Variants in NDC1 observed in about 807,000 individuals in gnomAD.
NDC1 encodes nucleoporin NDC1.
In NDC1, 24 loss-of-function variants were observed where a neutral mutation model predicts 89.8. That is an observed-to-expected ratio of 0.27 (90% CI 0.19 to 0.38). NDC1 has a LOEUF of 0.38. Ranked by LOEUF, NDC1 falls within the 10% of genes least tolerant of loss-of-function variation. The probability of loss-of-function intolerance (pLI) is 1.00; values close to 1 mark genes in which losing one functional copy is unlikely to be tolerated. For missense variants in NDC1, 728 were observed against 797.6 expected (o/e 0.91, Z 1.05); for synonymous variants, 296 against 284.8 (o/e 1.04, Z -0.39).
Position 53,768,551 on chromosome 1 carries a change from T to C in NDC1, c.1962-518A>G, listed in dbSNP as rs549487518. Among the ~76,000 whole-genome samples, 5 of 152,318 alleles carry C rather than the reference T, an allele frequency of 3.3e-5. No individual in the cohort carries two copies. In the South Asian group the frequency reaches 1.0e-3, roughly 32 times the overall value. ...AGTTATGTTTTGGATGTGAACACTG[T>C]GTTCTCTCTCCACCCTCACCATCAC... On this transcript the variant is annotated intron_variant, in intron 17 of 17. Coordinates refer to ENST00000371429, the MANE Select transcript of NDC1 (RefSeq NM_018087.5).
At chr1:53,770,646 C>T (rs1004698749) in intron 17 of NDC1, among the ~76,000 whole-genome samples, 20 of 151,618 alleles carry the variant, frequency 1.3e-4, no homozygotes, top group African/African-American at 4.8e-4. Context: ...AATCAGTCAT[C>T]TATATCTCTT....
chr1:53,770,385 C>T (rs1233663404), intron 17 of NDC1, among the ~76,000 whole-genome samples: 2 of 152,094 alleles, frequency 1.3e-5, no homozygotes, highest in Non-Finnish European at 2.9e-5. Context: ...CGGCTCACTG[C>T]AACCTCCACT....
At chr1:53,831,808 AAAG>A (rs1032660882) in intron 3 of NDC1, among the ~76,000 whole-genome samples, 1 of 152,196 alleles carries the variant, frequency 6.6e-6, no homozygotes, top group African/African-American at 2.4e-5. Context: ...GAAAAGGCAG[AAAG>A]AATATGAAGA....
At chr1:53,802,424 T>C (rs1183880096) in intron 10 of NDC1, among the ~76,000 whole-genome samples, 3 of 152,064 alleles carry the variant, frequency 2.0e-5, no homozygotes, top group African/African-American at 7.2e-5. Context: ...TCTAACACTT[T>C]GGGAGGCCAA....
chr1:53,810,127 C>T (rs1464452010), intron 6 of NDC1, among the ~76,000 whole-genome samples: 2 of 152,174 alleles, frequency 1.3e-5, no homozygotes, highest in Non-Finnish European at 2.9e-5. Flanking sequence ...CCCATCAATT[C>T]TCTCAAAGTC....
At chr1:53,821,859 T>C (rs1280420779) in intron 5 of NDC1, among the ~76,000 whole-genome samples, 4 of 152,250 alleles carry the variant, frequency 2.6e-5, no homozygotes, top group Non-Finnish European at 5.9e-5. Flanking sequence ...TCTATAAATG[T>C]AATACTTTCA....
intron 11 of NDC1, among the ~76,000 whole-genome samples, chr1:53,798,350 A>C (rs185192548): frequency 9.7e-4 from 147 of 150,782 alleles, no homozygotes; most frequent in Non-Finnish European, 1.9e-3. Flanking sequence ...TTGTATTTTT[A>C]GTAGAGACAG....
intron 2 of NDC1, among the ~76,000 whole-genome samples, chr1:53,833,433 G>C (rs537148374): frequency 2.0e-5 from 3 of 152,178 alleles, no homozygotes; most frequent in African/African-American, 7.2e-5. Flanking sequence ...ATCACACCCA[G>C]CCACGCATAT....
chr1:53,803,580 T>G (rs1647994917), intron 10 of NDC1, among the ~76,000 whole-genome samples: 1 of 152,040 alleles, frequency 6.6e-6, no homozygotes, highest in Non-Finnish European at 1.5e-5. Context: ...TTAATTTTTT[T>G]TTTCTTTTTG....
At chr1:53,790,993 A>T (rs187848931) in intron 14 of NDC1, among the ~76,000 whole-genome samples, 186 of 152,078 alleles carry the variant, frequency 1.2e-3, no homozygotes, top group Middle Eastern at 3.4e-3. Context: ...ATTCCTTCTA[A>T]CTGTATATTT....
chr1:53,826,029 T>C, intron 4 of NDC1, 93 bp from the exon 5 acceptor site: 1 of 1,257,684 alleles, frequency 8.0e-7, no homozygotes, highest in Non-Finnish European at 1.1e-6. Context: ...GCTTAATTAC[T>C]TTAATGACTT....
chr1:53,820,701 CTTTTTT>C (rs927514677), intron 5 of NDC1, among the ~76,000 whole-genome samples: 11 of 74,894 alleles, frequency 1.5e-4, no homozygotes, highest in South Asian at 1.3e-3. Flanking sequence ...ACTTCTCTCT[CTTTTTT>C]TTTTTTTTTT....
At chr1:53,829,052 T>C (rs1442462757) in intron 3 of NDC1, among the ~76,000 whole-genome samples, 2 of 152,212 alleles carry the variant, frequency 1.3e-5, no homozygotes, top group African/African-American at 4.8e-5. Flanking sequence ...TTTAATACCC[T>C]TCAGACAATC....
Position 53,825,793 on chromosome 1 carries a change from C to T in NDC1, c.594+5G>A. 4.4e-6 allele frequency: 7 copies of T among 1,580,068 alleles called. No individual in the cohort carries two copies. The highest frequency in any genetic ancestry group is 6.0e-6 in the Non-Finnish European group (7 of 1,169,286). On this transcript the variant is annotated splice_donor_5th_base_variant and intron_variant, in intron 5 of 17. Coordinates refer to ENST00000371429, the MANE Select transcript of NDC1 (RefSeq NM_018087.5). ...TGACATCAAGTAATGCTCAAATGAT[C>T]TTACCTGTATGATGGGAAATGGAAG...
At chr1:53,819,974 C>T (rs550497885) in intron 5 of NDC1, among the ~76,000 whole-genome samples, 19 of 151,926 alleles carry the variant, frequency 1.3e-4, no homozygotes, top group African/African-American at 3.6e-4. Flanking sequence ...AGAAAAAGGG[C>T]TGGGTGCGGT....
At position 53,780,760 on chromosome 1, in the gene NDC1, A is replaced by G. The variant is rs577295804; in HGVS notation, c.1800+6398T>C. On this transcript the variant is annotated intron_variant, in intron 16 of 17. Coordinates refer to ENST00000371429, the MANE Select transcript of NDC1 (RefSeq NM_018087.5). ...AGATGGATGGTGGTGATGACTGCAT[A>G]ACAATGTGAATATATTTAATGTCAT... Among the ~76,000 whole-genome samples, 59 of 152,328 alleles carry G rather than the reference A, an allele frequency of 3.9e-4. No homozygotes were observed. In the South Asian group the frequency reaches 0.012, roughly 32 times the overall value.
chr1:53,775,690 T>A (rs578070949), intron 16 of NDC1, among the ~76,000 whole-genome samples: 1 of 152,312 alleles, frequency 6.6e-6, no homozygotes, highest in Non-Finnish European at 1.5e-5. Context: ...CTTATCCCCT[T>A]ACAAATTGTA....
At chr1:53,796,221 A>G (rs952884350) in intron 13 of NDC1, among the ~76,000 whole-genome samples, 1 of 152,140 alleles carries the variant, frequency 6.6e-6, no homozygotes, top group East Asian at 1.9e-4. Context: ...CATGTTTTCC[A>G]TATCTTGAAT....
At chr1:53,798,730 T>C (rs1303590125) in intron 11 of NDC1, among the ~76,000 whole-genome samples, 1 of 152,012 alleles carries the variant, frequency 6.6e-6, no homozygotes, top group African/African-American at 2.4e-5. Context: ...AATTTTTATA[T>C]TTTTAGTAAA....
Sources: gnomAD v4.1 joint callset for allele counts (sites outside exome capture counted in the v4.1 genomes callset) on GRCh38, gnomAD v4.1.1 for gene constraint, MANE v1.5 for transcripts, NCBI Gene and HGNC (gene_info 2026-07-23, HGNC 2026-07-21) for gene names.